Variants in ADPRM observed in about 807,000 individuals in gnomAD.
ADPRM encodes the protein ADP-ribose/CDP-alcohol diphosphatase, manganese dependent.
A neutral mutation model predicts 27.2 loss-of-function variants in ADPRM; 17 were observed. The ratio of observed to expected loss-of-function variants is 0.63; its 90% CI spans 0.43 to 0.94. The LOEUF (loss-of-function observed/expected upper bound fraction) is 0.94, where lower values mean the gene tolerates loss of function less well. Ranked by LOEUF, ADPRM falls within the 40% of genes least tolerant of loss-of-function variation. The pLI is 0.00. For synonymous variants in ADPRM, 135 were observed against 145.3 expected (o/e 0.93, Z 0.51); for missense variants, 337 against 412.8 (o/e 0.82, Z 1.59).
chr17:10,706,578 A>T (rs749595525), intron 3 of ADPRM, 24 bp downstream of exon 3: 4 of 1,472,674 alleles, frequency 2.7e-6, no homozygotes, highest in Non-Finnish European at 3.7e-6. Flanking sequence ...TTATCTGATT[A>T]CACTAACATT....
At chr17:10,700,841 A>G (rs1462506021) in intron 1 of ADPRM, among the ~76,000 whole-genome samples, 1 of 152,006 alleles carries the variant, frequency 6.6e-6, no homozygotes, top group East Asian at 1.9e-4. Flanking sequence ...CTGTACTATG[A>G]CATGATAGGA....
rs149100997 is a variant in ADPRM, at chr17:10,705,507, C to T, written c.581C>T (p.Thr194Met). 18 of 1,613,376 alleles carry T rather than the reference C, an allele frequency of 1.1e-5. No individual in the cohort carries two copies. In the East Asian group the frequency reaches 1.6e-4, roughly 14 times the overall value. The change falls in exon 2 of 4, where the codon ACG (threonine) becomes ATG (methionine). Residue 194 changes from threonine (T) to methionine (M), a missense_variant. Physicochemically the swap from Thr to Met is moderately conservative, Grantham distance 81. Coordinates refer to ENST00000379774, the MANE Select transcript of ADPRM (RefSeq NM_020233.5). This position sits in a 1 kb window ranked among gnomAD's most constrained non-coding sequence, Gnocchi z 5.4. ...ATATTGAGGGAGCACAATCCAAATA[C>T]GGAACTGAATAGTCCTCAAGGTGAA... ...MKILREHNPN[T>M]ELNSPQGLSE...
chr17:10,711,132 C>G lies in ADPRM; in HGVS notation c.1017C>G (p.Ala339=). The change falls in exon 4 of 4, where the codon GCC becomes GCG. Residue 339 remains alanine (A), a synonymous_variant. Coordinates refer to ENST00000379774, the MANE Select transcript of ADPRM (RefSeq NM_020233.5). ...DRIMNYKKER[A]FHC The stretch of plus-strand genomic sequence containing the variant: ...TTATGAATTACAAGAAAGAAAGAGC[C>G]TTCCATTGTTAGTCTAATTTATTTT... The G allele has an allele frequency of 6.2e-7, 1 of 1,603,822 alleles. No homozygotes were observed. Among genetic ancestry groups the G allele is most frequent in the South Asian group, 1.1e-5 (1 of 90,574 alleles).
chr17:10,710,984 G>C lies in ADPRM; in HGVS notation c.869G>C (p.Gly290Ala). The change falls in exon 4 of 4, where the codon GGT becomes GCT. Residue 290 changes from glycine to alanine, a missense_variant. Transcript: ENST00000379774. ...GGTGGCTACTCTGAGGATCCTTTTGGTGTATACCACGTCAACCTAGAAGGA... is the reference window on the plus strand; with the variant it reads ...GGTGGCTACTCTGAGGATCCTTTTGCTGTATACCACGTCAACCTAGAAGGA... ...HDGGYSEDPF[G>A]VYHVNLEGVI... is the part of the protein sequence containing the mutation. The C allele has an allele frequency of 6.2e-7, 1 of 1,614,094 alleles. No homozygotes were observed. The highest frequency in any genetic ancestry group is 8.5e-7 in the Non-Finnish European group (1 of 1,180,036).
Position 10,705,687 on chromosome 17 carries a change from G to T in ADPRM, c.601+160G>T. The T allele has an allele frequency of 8.5e-7, 1 of 1,174,260 alleles. No individual in the cohort carries two copies. The highest frequency in any genetic ancestry group is 1.7e-5 in the South Asian group (1 of 59,734). The allele number at this position is 1,174,260 out of a possible 1,614,324, so 72.7% of individuals were successfully genotyped here. ...CTTCTCACATGGATTGGTTACAGTT[G>T]ATTCAAGATTGATTTAACAGATATT... is the stretch of plus-strand genomic sequence containing the variant. On this transcript the variant is annotated intron_variant, in intron 2 of 3. Coordinates refer to ENST00000379774, the MANE Select transcript of ADPRM (RefSeq NM_020233.5). This position sits in a 1 kb window ranked among gnomAD's most constrained non-coding sequence, Gnocchi z 5.4.
chr17:10,697,673 T>C lies in ADPRM; in HGVS notation c.-18+6T>C. ...AGCCCAGGGGCCGGCGCACGGTAGG[T>C]AGTTCCCTGCGGCTGGAGGCGGGTC... On this transcript the variant is annotated splice_donor_region_variant and intron_variant, in intron 1 of 3. Transcript: ENST00000379774. The C allele has an allele frequency of 1.2e-6, 1 of 854,038 alleles. No homozygotes were observed. Among genetic ancestry groups the C allele is most frequent in the Non-Finnish European group, 1.9e-6 (1 of 533,796 alleles). 52.9% of individuals were successfully genotyped at this position (854,038 alleles called of 1,614,324 possible). A position where few individuals can be genotyped will look rare whatever the true frequency, so the allele number is the denominator to read the frequency against.
In ADPRM at chr17:10,711,374, T is replaced by C. The variant is rs1238327501; in HGVS notation, c.*230T>C. ...AAACTGAGGCAGGGGTGTATAGTCC[T>C]CATAAGGGGCATATAGTCCTCATGA... is the stretch of plus-strand genomic sequence containing the variant. On this transcript the variant is annotated 3_prime_UTR_variant, in exon 4 of 4. Coordinates refer to ENST00000379774, the MANE Select transcript of ADPRM (RefSeq NM_020233.5). 2 of 499,368 alleles carry C rather than the reference T, an allele frequency of 4.0e-6. No homozygotes were observed. The highest frequency in any genetic ancestry group is 7.2e-6 in the Non-Finnish European group (2 of 279,358). 30.9% of individuals were successfully genotyped at this position (499,368 alleles called of 1,614,324 possible).
At chr17:10,701,576 A>G (rs546285400) in intron 1 of ADPRM, among the ~76,000 whole-genome samples, 45 of 152,158 alleles carry the variant, frequency 3.0e-4, no homozygotes, top group African/African-American at 8.4e-4. Flanking sequence ...TGATCCGCCC[A>G]CCTTGGCCTC....
In ADPRM at chr17:10,703,234, T is replaced by C. The variant is rs544501975; in HGVS notation, c.-17-1676T>C. On this transcript the variant is annotated intron_variant, in intron 1 of 3. Coordinates refer to ENST00000379774, the MANE Select transcript of ADPRM (RefSeq NM_020233.5). ...AGATTTTTAAACTGACTTAGATGGA[T>C]TTTTGTCCTGTAATTGTATTGAAGT... is the stretch of plus-strand genomic sequence containing the variant. Among the ~76,000 whole-genome samples the C allele has an allele frequency of 5.9e-5, 9 of 152,300 alleles. No individual in the cohort carries two copies. In the East Asian group the frequency reaches 7.7e-4, roughly 13 times the overall value.
rs1476364044 is a variant in ADPRM, at chr17:10,710,733, A to C, written c.719-101A>C. On this transcript the variant is annotated intron_variant, in intron 3 of 3. Transcript: ENST00000379774. ...CAGTTCATTTGCATAATGAGATAGC[A>C]ATTTTTTTTTCTTTTTCTGAGTACT... 15 of 1,033,478 alleles carry C rather than the reference A, an allele frequency of 1.5e-5. No homozygotes were observed. In the East Asian group the frequency reaches 3.8e-4, roughly 26 times the overall value. The allele number at this position is 1,033,478 out of a possible 1,614,324, so 64.0% of individuals were successfully genotyped here.
At chr17:10,707,878 T>C (rs2074823972) in intron 3 of ADPRM, among the ~76,000 whole-genome samples, 4 of 152,206 alleles carry the variant, frequency 2.6e-5, no homozygotes, top group Non-Finnish European at 5.9e-5. Flanking sequence ...AGCGTGTATG[T>C]GCGCATGGGC....
chr17:10,697,743 G>GGGGCAGCGGAGCC (rs1567578069), intron 1 of ADPRM, 76 bp downstream of exon 1: 674 of 606,590 alleles, frequency 1.1e-3, no homozygotes, highest in African/African-American at 0.011. Flanking sequence ...ACAGCGGAGC[G>GGGGCAGCGGAGCC]CCGGGAAGGG....
rs190733292 is a variant in ADPRM at position 10,711,457 on chromosome 17, A to C, written c.*313A>C. ...AACTTTTTACAAGGAGATTGTATTC[A>C]CATGTGTTAACTATGTAACTTCAAG... is the stretch of plus-strand genomic sequence containing the variant. On this transcript the variant is annotated 3_prime_UTR_variant, in exon 4 of 4. Transcript: ENST00000379774. Among the ~76,000 whole-genome samples, 560 of 152,302 alleles carry C rather than the reference A, an allele frequency of 3.7e-3. No individual in the cohort carries two copies. The highest frequency in any genetic ancestry group is 0.013 in the African/African-American group (541 of 41,562).
intron 1 of ADPRM, among the ~76,000 whole-genome samples, chr17:10,699,900 T>C (rs1334303670): frequency 2.0e-5 from 3 of 152,180 alleles, no homozygotes; most frequent in Non-Finnish European, 2.9e-5. Context: ...GTTCTATCAA[T>C]AGTGATCAGA....
intron 3 of ADPRM, 58 bp downstream of exon 3, chr17:10,706,612 G>A (rs192825842): frequency 1.6e-5 from 20 of 1,219,036 alleles, no homozygotes; most frequent in Non-Finnish European, 2.3e-5. Context: ...AAAGTTAGGC[G>A]TTAAAGCATA....
chr17:10,710,687 TG>T, intron 3 of ADPRM, 146 bp from the exon 4 acceptor site: 1 of 701,102 alleles, frequency 1.4e-6, no homozygotes, highest in South Asian at 2.0e-5. Flanking sequence ...AGTTTTCTTG[TG>T]TGTGAATTCT....
chr17:10,700,583 C>T (rs1440296189), intron 1 of ADPRM, among the ~76,000 whole-genome samples: 2 of 149,426 alleles, frequency 1.3e-5, no homozygotes, highest in Non-Finnish European at 3.0e-5. Flanking sequence ...AAAACCCTAT[C>T]TCTACAAAAG....
intron 1 of ADPRM, among the ~76,000 whole-genome samples, chr17:10,700,688 C>T (rs1597513831): frequency 6.6e-6 from 1 of 151,128 alleles, no homozygotes; most frequent in Non-Finnish European, 1.5e-5. Flanking sequence ...CACTTGAGCC[C>T]AGGAAGTCGA....
chr17:10,697,866 G>C, intron 1 of ADPRM, 199 bp downstream of exon 1: 1 of 319,136 alleles, frequency 3.1e-6, no homozygotes, highest in Non-Finnish European at 5.8e-6. Context: ...CCTCGCGCCG[G>C]GGACACCCCC....
Sources: allele counts gnomAD v4.1 joint callset (sites outside exome capture counted in the v4.1 genomes callset), GRCh38; gene constraint gnomAD v4.1.1; non-coding constraint Gnocchi (gnomAD v3.1); transcripts MANE v1.5; gene names NCBI Gene and HGNC (gene_info 2026-07-23, HGNC 2026-07-21).